IWS1: variants seen among roughly 807,000 people sequenced by gnomAD.
IWS1 encodes the protein interacts with SUPT6H, CTD assembly factor 1, also known as protein IWS1 homolog.
In IWS1, 27 loss-of-function variants were observed where a neutral mutation model predicts 86.7. That is an observed-to-expected ratio of 0.31 (90% CI 0.23 to 0.43). IWS1 has a LOEUF of 0.43. Among genes scored for constraint, IWS1 ranks in the 20% least tolerant of loss-of-function variants. The pLI is 1.00. For synonymous variants in IWS1, 313 were observed against 335.1 expected (o/e 0.93, Z 0.72); for missense variants, 827 against 1,000.8 (o/e 0.83, Z 2.34).
intron 13 of IWS1, chr2:127,482,528 G>C (rs892058736): frequency 6.6e-6 from 1 of 152,210 alleles, no homozygotes; most frequent in Non-Finnish European, 1.5e-5. Flanking sequence ...GATGTGCCGT[G>C]ATCTTAGTAC....
chr2:127,523,582 A>T (rs540189443), intron 2 of IWS1, 94 bp downstream of exon 2: 2 of 820,672 alleles, frequency 2.4e-6, no homozygotes, highest in African/African-American at 3.4e-5. Context: ...TTAAACCCTA[A>T]ACTCTGTCAC....
intron 10 of IWS1, chr2:127,490,805 C>T (rs959446817): frequency 1.3e-5 from 2 of 152,206 alleles, no homozygotes; most frequent in African/African-American, 4.8e-5. Flanking sequence ...TATTACTTAA[C>T]AGGCAGTAAG....
intron 2 of IWS1, among the ~76,000 whole-genome samples, chr2:127,522,153 C>G (rs538123232): frequency 2.0e-5 from 3 of 152,188 alleles, no homozygotes; most frequent in Non-Finnish European, 4.4e-5. Flanking sequence ...TCCCCTACCC[C>G]TTAATGACCC....
chr2:127,484,996 C>CAAAAAGAAAAAGAAAAAG (rs55917794), intron 13 of IWS1, among the ~76,000 whole-genome samples: 1 of 148,758 alleles, frequency 6.7e-6, no homozygotes, highest in African/African-American at 2.5e-5. Flanking sequence ...GACTCCGTCT[C>CAAAAAGAAAAAGAAAAAG]AAAAAGAAAA....
At chr2:127,526,078 C>CG (rs1488820609) in intron 1 of IWS1, 97 bp downstream of exon 1, 12 of 1,227,590 alleles carry the variant, frequency 9.8e-6, no homozygotes, top group African/African-American at 9.0e-5. Flanking sequence ...GGGAAGGTTT[C>CG]GGGGGGCCTC....
Position 127,526,398 on chromosome 2 carries a change from G to A in IWS1, c.-190C>T. The A allele has an allele frequency of 1.3e-6, 2 of 1,536,248 alleles. No individual in the cohort carries two copies. The highest frequency in any genetic ancestry group is 8.7e-7 in the Non-Finnish European group (1 of 1,145,954). ...ATTCTTTGACCTGGAAGCCCCGGCG[G>A]AAAAGGCCGTACCCGGCAGGCTGGC... On this transcript the variant is annotated 5_prime_UTR_variant, in exon 1 of 14. Transcript: ENST00000295321.
At chr2:127,495,027 G>T in intron 7 of IWS1, 73 bp from the exon 8 acceptor site, 1 of 878,490 alleles carries the variant, frequency 1.1e-6, no homozygotes, top group Non-Finnish European at 1.7e-6. Flanking sequence ...CTGTAATTCT[G>T]AACCTTAAAA....
chr2:127,522,809 A>C (rs559944932), intron 2 of IWS1, among the ~76,000 whole-genome samples: 1 of 152,384 alleles, frequency 6.6e-6, no homozygotes, highest in Non-Finnish European at 1.5e-5. Context: ...TATAAACAGA[A>C]AGGAAAATAA....
In IWS1 at chr2:127,503,469, C is replaced by A. The variant is rs750059875; in HGVS notation, c.1327G>T (p.Glu443Ter). The A allele has an allele frequency of 1.2e-6, 2 of 1,613,602 alleles. No individual in the cohort carries two copies. Among genetic ancestry groups the A allele is most frequent in the South Asian group, 1.1e-5 (1 of 91,020 alleles). ...TTATCAGACAATTCTTTCCCAGCTT[C>A]TTCCTCACTGTCAGATGCTATGGTC... ...EKTIASDSEE[E>*]AGKELSDKKN... The change falls in exon 4 of 14, where the codon GAA becomes TAA. Residue 443 changes from glutamate to a stop codon, truncating the protein, a stop_gained. Transcript: ENST00000295321. LOFTEE classifies it high-confidence loss of function.
chr2:127,524,885 G>A (rs1573578606), intron 1 of IWS1, among the ~76,000 whole-genome samples: 1 of 109,836 alleles, frequency 9.1e-6, no homozygotes, highest in Non-Finnish European at 1.6e-5. Flanking sequence ...TTTTGTTTTT[G>A]TTTTTGTTTT....
chr2:127,491,330 A>G (rs1291089187), intron 10 of IWS1, among the ~76,000 whole-genome samples: 1 of 152,248 alleles, frequency 6.6e-6, no homozygotes, highest in African/African-American at 2.4e-5. Flanking sequence ...GCAGTAAGGT[A>G]GGTGGTGGAT....
At chr2:127,490,575 A>G (rs1239784222) in intron 10 of IWS1, among the ~76,000 whole-genome samples, 1 of 152,192 alleles carries the variant, frequency 6.6e-6, no homozygotes, top group Non-Finnish European at 1.5e-5. Flanking sequence ...TAAAAACAAG[A>G]AAGGACCTTT....
chr2:127,498,164 T>C lies in IWS1; in HGVS notation c.1541A>G (p.Asp514Gly). ...CTGTTTTCCTCTCTTTATGTTATCA[T>C]CAGAATCTGAATCTTCTGCTTCTTT... The part of the protein sequence containing the change: ...QVKEAEDSDS[D>G]DNIKRGKHMD... The change falls in exon 6 of 14, where the codon GAT (aspartate) becomes GGT (glycine). Residue 514 changes from aspartate to glycine, a missense_variant. Asp to Gly is a moderately conservative substitution (Grantham distance 94, BLOSUM62 -1). Coordinates refer to ENST00000295321, the MANE Select transcript of IWS1 (RefSeq NM_017969.3). The C allele has an allele frequency of 6.3e-7, 1 of 1,585,996 alleles. No individual in the cohort carries two copies. The highest frequency in any genetic ancestry group is 8.7e-7 in the Non-Finnish European group (1 of 1,154,750).
At position 127,526,170 on chromosome 2, in the gene IWS1, C is replaced by T; in HGVS notation, c.34+5G>A. The T allele has an allele frequency of 6.3e-7, 1 of 1,599,416 alleles. No individual in the cohort carries two copies. The highest frequency in any genetic ancestry group is 8.5e-7 in the Non-Finnish European group (1 of 1,173,448). On this transcript the variant is annotated splice_donor_5th_base_variant and intron_variant, in intron 1 of 13. Transcript: ENST00000295321. ...CCAGCCCGGTCCCCCAGGTCCCTGC[C>T]CCACCTGACTGGTCGCCGCTGTAAT...
chr2:127,503,321 T>TGTAC, intron 4 of IWS1, 66 bp downstream of exon 4: 2 of 1,213,186 alleles, frequency 1.6e-6, no homozygotes, highest in Non-Finnish European at 2.3e-6. Context: ...TATTGTATTA[T>TGTAC]AACACAGACC....
At chr2:127,513,576 TAAAG>T (rs764553925) in intron 2 of IWS1, among the ~76,000 whole-genome samples, 9 of 152,198 alleles carry the variant, frequency 5.9e-5, no homozygotes, top group Non-Finnish European at 1.2e-4. Flanking sequence ...AAACAGCTAG[TAAAG>T]AAAGGTTTAT....
At chr2:127,524,692 G>A (rs533877206) in intron 1 of IWS1, among the ~76,000 whole-genome samples, 6 of 150,684 alleles carry the variant, frequency 4.0e-5, no homozygotes, top group Admixed American at 6.6e-5. Context: ...ACAGGTGCCC[G>A]CCACCACGCC....
intron 1 of IWS1, among the ~76,000 whole-genome samples, chr2:127,524,099 T>C (rs768278609): frequency 3.2e-4 from 48 of 152,236 alleles, no homozygotes; most frequent in Non-Finnish European, 1.5e-4. Flanking sequence ...TTTCTCTCCA[T>C]GGCATTTATC....
Position 127,486,555 on chromosome 2 carries a change from T to C in IWS1, c.2326A>G (p.Arg776Gly), listed in dbSNP as rs768884379. 2.2e-5 allele frequency: 35 copies of C among 1,610,910 alleles called. No individual in the cohort carries two copies. The highest frequency in any genetic ancestry group is 7.7e-5 in the South Asian group (7 of 91,040). Residue 776 changes from arginine (R) to glycine (G), a missense_variant and splice_region_variant, in exon 13 of 14, where the codon AGG becomes GGG. This residue lies in a region of IWS1 where 279 missense variants were observed against 440.6 expected (regional missense o/e 0.63). Coordinates refer to ENST00000295321, the MANE Select transcript of IWS1 (RefSeq NM_017969.3). ...PKWNVEMESSRFQATSKKGIS... is the reference protein window; with the variant it reads ...PKWNVEMESSGFQATSKKGIS... ...TTGCCGATCCTCCGCTTGCTTACCC[T>C]GGATGACTCCATTTCCACATTCCAT...
Sources: gnomAD v4.1 joint callset for allele counts (sites outside exome capture counted in the v4.1 genomes callset) on GRCh38, gnomAD v4.1.1 for gene constraint, gnomAD v4.1.1 regional missense constraint, MANE v1.5 for transcripts, NCBI Gene and HGNC (gene_info 2026-07-23, HGNC 2026-07-21) for gene names.